Variants in EVC observed in about 807,000 individuals in gnomAD.
The protein encoded by EVC is EvC ciliary complex subunit 1, also known as evC complex member EVC.
A neutral mutation model predicts 118.9 loss-of-function variants in EVC; 116 were observed. That is an observed-to-expected ratio of 0.98 (90% CI 0.84 to 1.14). The LOEUF is 1.14. Ranked by LOEUF, EVC falls within the 50% of genes most tolerant of loss-of-function variation. The probability of loss-of-function intolerance (pLI) is 0.00; values close to 1 mark genes in which losing one functional copy is unlikely to be tolerated. For synonymous variants in EVC, 619 were observed against 534.7 expected (o/e 1.16, Z -2.18); for missense variants, 1,401 against 1,246.4 (o/e 1.12, Z -1.87).
intron 16 of EVC, among the ~76,000 whole-genome samples, chr4:5,802,747 G>A (rs908374816): frequency 6.6e-6 from 1 of 152,158 alleles, no homozygotes; most frequent in Admixed American, 6.5e-5. Flanking sequence ...GTGACAGGAG[G>A]TGGAGCTCGG....
At position 5,809,620 on chromosome 4, in the gene EVC, C is replaced by T. The variant is rs768005359; in HGVS notation, c.2782+9C>T. 4.3e-6 allele frequency: 7 copies of T among 1,613,554 alleles called. No homozygotes were observed. The highest frequency in any genetic ancestry group is 5.9e-6 in the Non-Finnish European group (7 of 1,179,552). Reference sequence around the variant, plus strand: ...TAAGCGTGGGCTGCTAGGTGAGTCACAGATGCTTGAGTTGCAGCGGGAAGC... The same window carrying T: ...TAAGCGTGGGCTGCTAGGTGAGTCATAGATGCTTGAGTTGCAGCGGGAAGC... On this transcript the variant is annotated intron_variant, in intron 19 of 20. Coordinates refer to ENST00000264956, the MANE Select transcript of EVC (RefSeq NM_153717.3).
chr4:5,752,529 G>C, intron 8 of EVC: 1 of 476,802 alleles, frequency 2.1e-6, no homozygotes, highest in Non-Finnish European at 3.9e-6. Context: ...TTTCCTCCTT[G>C]ACCGTTTGTA....
chr4:5,804,952 G>T (rs1715627565), intron 17 of EVC, 111 bp downstream of exon 17: 2 of 931,318 alleles, frequency 2.1e-6, no homozygotes, highest in Non-Finnish European at 1.7e-6. Context: ...CCGTGGACTT[G>T]GGGGCCATCG....
chr4:5,769,923 T>C (rs115993891), intron 11 of EVC, among the ~76,000 whole-genome samples: 2,826 of 152,232 alleles, frequency 0.019, 101 homozygotes, highest in African/African-American at 0.065. Flanking sequence ...GCAAGTTTGG[T>C]GGTCCTGAAG....
intron 11 of EVC, among the ~76,000 whole-genome samples, chr4:5,772,897 C>T (rs909486863): frequency 1.3e-5 from 2 of 152,152 alleles, no homozygotes; most frequent in African/African-American, 2.4e-5. Context: ...CTCTTTGAGT[C>T]TCAGCTGAAA....
chr4:5,824,719 TCCGGC>T, the EVC span: 5 of 984,048 alleles, frequency 5.1e-6, no homozygotes, highest in Non-Finnish European at 6.0e-6. Context: ...GTATTTACTA[TCCGGC>T]CTTCTAAGAA....
In EVC at chr4:5,714,332, A is replaced by G. The variant is rs77380390; in HGVS notation, c.174+2778A>G. Among the ~76,000 whole-genome samples, 946 of 152,274 alleles carry G rather than the reference A, an allele frequency of 6.2e-3. 9 individuals carry two copies. Among genetic ancestry groups the G allele is most frequent in the African/African-American group, 0.022 (897 of 41,540 alleles). On this transcript the variant is annotated intron_variant, in intron 1 of 20. Coordinates refer to ENST00000264956, the MANE Select transcript of EVC (RefSeq NM_153717.3). ...TCATCATTAAACCTGTTTTATTTAC[A>G]TCAAAGTTGTTCATGCACATAATTT...
rs1714345049 is a variant in EVC at position 5,798,291 on chromosome 4, T to C, written c.2098-295T>C. On this transcript the variant is annotated intron_variant, in intron 14 of 20. Coordinates refer to ENST00000264956, the MANE Select transcript of EVC (RefSeq NM_153717.3). The surrounding 1 kb of genome is among the most constrained non-coding windows in gnomAD (Gnocchi z 4.1). Reference sequence around the variant, plus strand: ...CCTCCTCAGTGCTAGTGTTCAGGTCTCATGATGTTCTAGAAGGATGAGCAA... The same window carrying C: ...CCTCCTCAGTGCTAGTGTTCAGGTCCCATGATGTTCTAGAAGGATGAGCAA... 6.6e-6 allele frequency among the ~76,000 whole-genome samples: 1 copy of C among 152,156 alleles called. No homozygotes were observed. Among genetic ancestry groups the C allele is most frequent in the Non-Finnish European group, 1.5e-5 (1 of 68,024 alleles).
In EVC at chr4:5,748,278, T is replaced by C; in HGVS notation, c.1070T>C (p.Leu357Ser). 6.2e-7 allele frequency: 1 copy of C among 1,614,150 alleles called. No homozygotes were observed. Among genetic ancestry groups the C allele is most frequent in the South Asian group, 1.1e-5 (1 of 91,078 alleles). Residue 357 changes from leucine to serine, a missense_variant, in exon 8 of 21, where the codon TTG becomes TCG. Transcript: ENST00000264956. ...TERMIAAEGL[L>S]CDSQELQALD... ...AGAATGATTGCAGCCGAAGGGCTAT[T>C]GTGCGATTCTCAGGAGCTGCAGGCT...
Position 5,811,113 on chromosome 4 carries a change from G to A in EVC, c.*76G>A. On this transcript the variant is annotated 3_prime_UTR_variant, in exon 21 of 21. Transcript: ENST00000264956. ...ATTCCACCTTCCCTCCTGCAGTGCTGAGAGGCAGCGAGGACGGAGAGGACA... is the reference window on the plus strand; with the variant it reads ...ATTCCACCTTCCCTCCTGCAGTGCTAAGAGGCAGCGAGGACGGAGAGGACA... 1 of 1,182,838 alleles carries A rather than the reference G, an allele frequency of 8.5e-7. No individual in the cohort carries two copies. The highest frequency in any genetic ancestry group is 1.2e-6 in the Non-Finnish European group (1 of 807,692). The allele number at this position is 1,182,838 out of a possible 1,614,324, so 73.3% of individuals were successfully genotyped here. A position where few individuals can be genotyped will look rare whatever the true frequency, so the allele number is the denominator to read the frequency against.
chr4:5,816,400 G>C (rs1214854516), downstream of EVC, among the ~76,000 whole-genome samples: 1 of 152,156 alleles, frequency 6.6e-6, no homozygotes, highest in East Asian at 1.9e-4. Context: ...CTTCCTGCAG[G>C]GTGCTCCCAG....
At chr4:5,824,401 C>A in the EVC span, 1 of 985,314 alleles carries the variant, frequency 1.0e-6, no homozygotes, top group Non-Finnish European at 1.2e-6. Context: ...TGATTCATGC[C>A]TCCTCGGCAT....
chr4:5,777,069 T>C (rs1284713589), intron 11 of EVC, among the ~76,000 whole-genome samples: 2 of 151,934 alleles, frequency 1.3e-5, no homozygotes, highest in Non-Finnish European at 2.9e-5. Flanking sequence ...TTACCTTATC[T>C]CCTCATGTGT....
At chr4:5,825,286 G>GC in the EVC span, 2 of 985,054 alleles carry the variant, frequency 2.0e-6, no homozygotes, top group African/African-American at 3.5e-5. The surrounding 1 kb of genome is among the most constrained non-coding windows in gnomAD (Gnocchi z 4.4). Context: ...CCACCATGTT[G>GC]CCCCCCTAAC....
chr4:5,752,337 G>C (rs1203538674), intron 8 of EVC, among the ~76,000 whole-genome samples: 5 of 152,148 alleles, frequency 3.3e-5, no homozygotes, highest in African/African-American at 1.2e-4. Context: ...TGTAGAATCT[G>C]ACTGCGGGGA....
rs187277618 is a variant in EVC, at chr4:5,720,033, G to A, written c.300+660G>A. Among the ~76,000 whole-genome samples the A allele has an allele frequency of 8.8e-4, 134 of 152,288 alleles. 2 individuals are homozygous for A. Among genetic ancestry groups the A allele is most frequent in the African/African-American group, 3.2e-3 (132 of 41,554 alleles). ...GGGGTGCTGGGCCTCTGGAAGAGAT[G>A]TTAAAAAAATTCTATTTGTTCCTGC... On this transcript the variant is annotated intron_variant, in intron 2 of 20. Transcript: ENST00000264956.
In EVC at chr4:5,770,496, A is replaced by T. The variant is rs181149250; in HGVS notation, c.1564-13056A>T. 6.4e-4 allele frequency among the ~76,000 whole-genome samples: 97 copies of T among 152,256 alleles called. 1 individual carries two copies. Among genetic ancestry groups the T allele is most frequent in the African/African-American group, 2.0e-3 (85 of 41,510 alleles). ...ACTGGAAGTCTAAAGTGTCTGTTCAAGGTCACTCAGCTGGGGCCTAGGAGT... is the reference window on the plus strand; with the variant it reads ...ACTGGAAGTCTAAAGTGTCTGTTCATGGTCACTCAGCTGGGGCCTAGGAGT... On this transcript the variant is annotated intron_variant, in intron 11 of 20. Transcript: ENST00000264956.
At chr4:5,806,490 A>G (rs1286677933) in intron 17 of EVC, among the ~76,000 whole-genome samples, 1 of 152,118 alleles carries the variant, frequency 6.6e-6, no homozygotes, top group Non-Finnish European at 1.5e-5. Context: ...AATGGCCTCC[A>G]GTTCCATCCA....
In EVC at chr4:5,731,312, C is replaced by A; in HGVS notation, c.385-113C>A. 1 of 966,058 alleles carries A rather than the reference C, an allele frequency of 1.0e-6. No individual in the cohort carries two copies. Among genetic ancestry groups the A allele is most frequent in the Non-Finnish European group, 1.7e-6 (1 of 591,822 alleles). The allele number at this position is 966,058 out of a possible 1,614,324, so 59.8% of individuals were successfully genotyped here. On this transcript the variant is annotated intron_variant, in intron 3 of 20. Coordinates refer to ENST00000264956, the MANE Select transcript of EVC (RefSeq NM_153717.3). The surrounding 1 kb of genome is among the most constrained non-coding windows in gnomAD (Gnocchi z 5.6). ...CTGCTGGCACCCTGGCCAGTCTCCT[C>A]CAGGCAGACCTTCCTGTGAGCGGCT...
Sources: allele counts gnomAD v4.1 joint callset (sites outside exome capture counted in the v4.1 genomes callset), GRCh38; gene constraint gnomAD v4.1.1; non-coding constraint Gnocchi (gnomAD v3.1); transcripts MANE v1.5; gene names NCBI Gene and HGNC (gene_info 2026-07-23, HGNC 2026-07-21).